The following C5orf22 variants were observed in gnomAD, a reference collection of about 807,000 sequenced individuals.
The protein encoded by C5orf22 is chromosome 5 open reading frame 22.
Under a neutral mutation model 48.7 loss-of-function variants are expected in C5orf22, and 36 were observed. The observed-to-expected ratio is 0.74, with a 90% CI of 0.57 to 0.98. C5orf22 has a LOEUF of 0.98. C5orf22 is among the 50% of genes least tolerant of loss of function. The pLI, the probability that C5orf22 is intolerant of heterozygous loss-of-function variation, is 0.00. For missense variants in C5orf22, 486 were observed against 521.9 expected (o/e 0.93, Z 0.67); for synonymous variants, 141 against 180.8 (o/e 0.78, Z 1.76).
Position 31,538,541 on chromosome 5 carries a change from G to A in C5orf22, c.659G>A (p.Cys220Tyr). ...GACCAGACTTGCCTAGAACCATCAT[G>A]TTCATGTTCTTCTGAAAATCAGGAA... The part of the protein sequence containing the change: ...RSDQTCLEPS[C>Y]SCSSENQECQ... The change falls in exon 4 of 9, where the codon TGT becomes TAT. Residue 220 changes from cysteine to tyrosine, a missense_variant. Physicochemically the swap from Cys to Tyr is radical, Grantham distance 194. Transcript: ENST00000325366. 1 of 1,614,112 alleles carries A rather than the reference G, an allele frequency of 6.2e-7. No homozygotes were observed. The highest frequency in any genetic ancestry group is 2.2e-5 in the East Asian group (1 of 44,880).
At chr5:31,548,661 G>A in intron 7 of C5orf22, 2 of 383,118 alleles carry the variant, frequency 5.2e-6, no homozygotes, top group South Asian at 2.0e-5. Context: ...ACCTCTGCCA[G>A]TTCCAAAGTT....
chr5:31,543,247 A>C (rs1363506594), intron 6 of C5orf22, among the ~76,000 whole-genome samples: 2 of 152,238 alleles, frequency 1.3e-5, no homozygotes, highest in African/African-American at 4.8e-5. Context: ...TATTAATCAC[A>C]TCAGTAAGTA....
chr5:31,534,160 C>T lies in C5orf22; in HGVS notation c.82-112C>T, dbSNP rs560316811. On this transcript the variant is annotated intron_variant, in intron 1 of 8. Transcript: ENST00000325366. ...TTTATGTTTTTCCACTTTACAGCAA[C>T]ATAGTATGCTTTCAATTATGTGCAT... 146 of 922,342 alleles carry T rather than the reference C, an allele frequency of 1.6e-4. 2 individuals are homozygous for T. The highest frequency in any genetic ancestry group is 6.8e-4 in the Middle Eastern group (3 of 4,420). 57.1% of individuals were successfully genotyped at this position (922,342 alleles called of 1,614,324 possible).
intron 7 of C5orf22, among the ~76,000 whole-genome samples, chr5:31,548,073 T>C (rs980200677): frequency 1.3e-5 from 2 of 152,242 alleles, no homozygotes; most frequent in East Asian, 1.9e-4. Flanking sequence ...AGGCCAAGGC[T>C]GGCGGATCAT....
chr5:31,532,479 C>A lies in C5orf22; in HGVS notation c.81+6C>A, dbSNP rs1311846271. On this transcript the variant is annotated splice_donor_region_variant and intron_variant, in intron 1 of 8. Coordinates refer to ENST00000325366, the MANE Select transcript of C5orf22 (RefSeq NM_018356.3). ...TGGTGGAGGATCATCAGGAGGTGAGCGGACGGCAACAGGGCTCTGGGGCAG... is the reference window on the plus strand; with the variant it reads ...TGGTGGAGGATCATCAGGAGGTGAGAGGACGGCAACAGGGCTCTGGGGCAG... 6.2e-7 allele frequency: 1 copy of A among 1,611,112 alleles called. No homozygotes were observed. The highest frequency in any genetic ancestry group is 8.5e-7 in the Non-Finnish European group (1 of 1,178,014).
intron 6 of C5orf22, among the ~76,000 whole-genome samples, chr5:31,543,366 G>A (rs533852441): frequency 6.6e-6 from 1 of 152,174 alleles, no homozygotes; most frequent in African/African-American, 2.4e-5. Flanking sequence ...TCAGGAGTTC[G>A]AGACCAGCCT....
rs1469119452 is a variant in C5orf22 at position 31,538,348 on chromosome 5, GT to G, written c.467del (p.Val156GlufsTer4). On this transcript the variant is annotated frameshift_variant, in exon 4 of 9. Transcript: ENST00000325366. LOFTEE classifies it high-confidence loss of function. ...GAACCAAAAACCTTTACAATTGGAT[GT>G]AATTATGGTAAAACCTTATAAACTC... is the stretch of plus-strand genomic sequence containing the variant. ...LENQKPLQLD[V>X]IMVKPYKLCN... 1 of 1,613,988 alleles carries G rather than the reference GT, an allele frequency of 6.2e-7. No homozygotes were observed.
intron 1 of C5orf22, among the ~76,000 whole-genome samples, chr5:31,533,122 T>C (rs1741761812): frequency 6.6e-6 from 1 of 152,084 alleles, no homozygotes; most frequent in Non-Finnish European, 1.5e-5. Context: ...ACCCAGCTAA[T>C]TTTTGTATTT....
chr5:31,533,920 A>G (rs1448557071), intron 1 of C5orf22, among the ~76,000 whole-genome samples: 1 of 152,134 alleles, frequency 6.6e-6, no homozygotes, highest in Non-Finnish European at 1.5e-5. Context: ...GAAAAAAAAG[A>G]ATACTTTGAG....
At chr5:31,543,888 C>T (rs1561325964) in intron 6 of C5orf22, among the ~76,000 whole-genome samples, 1 of 152,032 alleles carries the variant, frequency 6.6e-6, no homozygotes, top group South Asian at 2.1e-4. Context: ...AGAGTTCTAT[C>T]ACAGACTTGA....
chr5:31,532,546 C>A, intron 1 of C5orf22, 73 bp downstream of exon 1: 1 of 1,322,882 alleles, frequency 7.6e-7, no homozygotes, highest in South Asian at 1.3e-5. Context: ...AAGCAGAGGG[C>A]GCAACCTTAG....
At position 31,551,380 on chromosome 5, in the gene C5orf22, G is replaced by C; in HGVS notation, c.1147G>C (p.Val383Leu). 6.2e-7 allele frequency: 1 copy of C among 1,613,422 alleles called. No individual in the cohort carries two copies. Among genetic ancestry groups the C allele is most frequent in the Non-Finnish European group, 8.5e-7 (1 of 1,179,816 alleles). Residue 383 changes from valine (V) to leucine (L), a missense_variant, in exon 8 of 9, where the codon GTG becomes CTG. Val to Leu is a conservative substitution (Grantham distance 32). Around this residue, in one of 3 missense-constraint regions of C5orf22, gnomAD observed 408 missense variants for 444.0 expected, o/e 0.92. Coordinates refer to ENST00000325366, the MANE Select transcript of C5orf22 (RefSeq NM_018356.3). The stretch of plus-strand genomic sequence containing the variant: ...AGAAATAGAGTGTCTTATTCAATCT[G>C]TGCATTATTTGCTGAAAAATTTACC... ...EQEIECLIQS[V>L]HYLLKNLPNP... is the part of the protein sequence containing the mutation.
chr5:31,540,461 G>A (rs1005038637), intron 4 of C5orf22, among the ~76,000 whole-genome samples: 2 of 152,288 alleles, frequency 1.3e-5, no homozygotes, highest in Middle Eastern at 3.4e-3. Context: ...TCTACCTCCA[G>A]TATTGCCTTT....
At position 31,554,745 on chromosome 5, in the gene C5orf22, ATGAACTCTGATATGATTCATTGTGG is replaced by A. The variant is rs1174772797; in HGVS notation, c.*1845_*1869del. Reference sequence around the variant, plus strand: ...TTACTAGTCATTTATTATGATTCCCATGAACTCTGATATGATTCATTGTGGTTTTAACTCAGGTTGAATAAAAGCA... The same window carrying A: ...TTACTAGTCATTTATTATGATTCCCATTTTAACTCAGGTTGAATAAAAGCA... On this transcript the variant is annotated 3_prime_UTR_variant, in exon 9 of 9. Transcript: ENST00000325366. The A allele has an allele frequency of 6.6e-6, 1 of 152,176 alleles. No individual in the cohort carries two copies. Among genetic ancestry groups the A allele is most frequent in the Non-Finnish European group, 1.5e-5 (1 of 68,034 alleles). The allele number at this position is 152,176 out of a possible 1,614,324, so 9.4% of individuals were successfully genotyped here.
chr5:31,545,605 G>T, intron 6 of C5orf22, 41 bp from the exon 7 acceptor site: 1 of 1,367,636 alleles, frequency 7.3e-7, no homozygotes, highest in Non-Finnish European at 1.0e-6. Context: ...TTTAGTTGTG[G>T]TGGTTGTGAT....
intron 7 of C5orf22, among the ~76,000 whole-genome samples, chr5:31,550,012 C>T (rs925164159): frequency 1.4e-4 from 21 of 152,112 alleles, no homozygotes; most frequent in African/African-American, 4.1e-4. Flanking sequence ...CAGGGAATGG[C>T]TAGGGCTCAG....
At chr5:31,539,523 A>C (rs1022810879) in intron 4 of C5orf22, among the ~76,000 whole-genome samples, 5 of 152,242 alleles carry the variant, frequency 3.3e-5, no homozygotes, top group African/African-American at 1.2e-4. Flanking sequence ...AAATATTTGT[A>C]ATAAATATTT....
At chr5:31,541,619 T>C (rs1381961721) in intron 6 of C5orf22, among the ~76,000 whole-genome samples, 1 of 152,092 alleles carries the variant, frequency 6.6e-6, no homozygotes, top group East Asian at 1.9e-4. Context: ...TAGCCAGATA[T>C]GGTGGCACCT....
At chr5:31,541,111 T>C in intron 5 of C5orf22, 100 bp downstream of exon 5, 3 of 455,234 alleles carry the variant, frequency 6.6e-6, no homozygotes, top group Non-Finnish European at 1.1e-5. Context: ...TCAAAGTGTG[T>C]GTGTGTGTGT....
Sources: gnomAD v4.1 joint callset for allele counts (sites outside exome capture counted in the v4.1 genomes callset) on GRCh38, gnomAD v4.1.1 for gene constraint, gnomAD v4.1.1 regional missense constraint, MANE v1.5 for transcripts, NCBI Gene and HGNC (gene_info 2026-07-23, HGNC 2026-07-21) for gene names.